Variants in SLC25A21 observed in about 807,000 individuals in gnomAD.
The protein encoded by SLC25A21 is solute carrier family 25 member 21, also known as mitochondrial 2-oxodicarboxylate carrier.
A neutral mutation model predicts 43.8 loss-of-function variants in SLC25A21; 47 were observed. The observed-to-expected ratio is 1.07, with a 90% CI of 0.85 to 1.37. SLC25A21 has a LOEUF of 1.37. Among genes scored for constraint, SLC25A21 ranks in the 40% most tolerant of loss-of-function variants. SLC25A21 has a pLI of 0.00. For synonymous variants in SLC25A21, 131 were observed against 121.3 expected (o/e 1.08, Z -0.52); for missense variants, 352 against 350.2 (o/e 1.00, Z -0.04).
chr14:36,725,168 T>C (rs959250771), intron 6 of SLC25A21: 2 of 152,630 alleles, frequency 1.3e-5, no homozygotes, highest in Non-Finnish European at 2.9e-5. Flanking sequence ...TTGTTTCACA[T>C]GCACATTAAA....
chr14:36,806,226 T>C (rs933126678), intron 3 of SLC25A21, among the ~76,000 whole-genome samples: 2 of 152,040 alleles, frequency 1.3e-5, no homozygotes, highest in African/African-American at 2.4e-5. Context: ...ATTTTTACTT[T>C]TATTTTATTT....
rs138178752 is a variant in SLC25A21 at position 37,109,816 on chromosome 14, A to G, written c.70+62465T>C. Among the ~76,000 whole-genome samples the G allele has an allele frequency of 3.1e-3, 468 of 152,260 alleles. 1 individual carries two copies. The highest frequency in any genetic ancestry group is 0.01 in the African/African-American group (435 of 41,552). ...TACATTGCAAAACTGCCATACATTG[A>G]CCAATTCTTTTCTATAGATAACCTG... is the stretch of plus-strand genomic sequence containing the variant. On this transcript the variant is annotated intron_variant, in intron 1 of 9. Transcript: ENST00000331299.
chr14:36,963,184 TC>T (rs1267548998), intron 1 of SLC25A21, among the ~76,000 whole-genome samples: 1 of 151,984 alleles, frequency 6.6e-6, no homozygotes, highest in Non-Finnish European at 1.5e-5. Context: ...TTAGTACATA[TC>T]CCCCCATAGT....
Position 36,679,810 on chromosome 14 carries a change from TC to T in SLC25A21, c.*847del, listed in dbSNP as rs1882120537. The T allele has an allele frequency of 1.0e-6, 1 of 985,078 alleles. No individual in the cohort carries two copies. The allele number at this position is 985,078 out of a possible 1,614,324, so 61.0% of individuals were successfully genotyped here. On this transcript the variant is annotated 3_prime_UTR_variant, in exon 10 of 10. Transcript: ENST00000331299. ...GCTGACAAATGGGTCCAAAGGTGTT[TC>T]CAATTTGTGATTTAACATGACAATA...
chr14:37,073,204 A>G (rs950475176), intron 1 of SLC25A21, among the ~76,000 whole-genome samples: 36 of 152,334 alleles, frequency 2.4e-4, no homozygotes, highest in Non-Finnish European at 2.9e-4. Flanking sequence ...TTCAATGGTG[A>G]GTAGCTGAGA....
chr14:36,842,259 C>T (rs1166727560), intron 2 of SLC25A21, among the ~76,000 whole-genome samples: 1 of 152,170 alleles, frequency 6.6e-6, no homozygotes, highest in African/African-American at 2.4e-5. Context: ...TTACCTGGGG[C>T]AATGATATGC....
intron 7 of SLC25A21, among the ~76,000 whole-genome samples, chr14:36,707,478 C>T (rs1424561263): frequency 6.6e-6 from 1 of 152,046 alleles, no homozygotes; most frequent in African/African-American, 2.4e-5. Context: ...TCCTCCCAGC[C>T]CCCAACCTAA....
chr14:37,105,635 C>T (rs150364181), intron 1 of SLC25A21, among the ~76,000 whole-genome samples: 2 of 152,062 alleles, frequency 1.3e-5, no homozygotes. Context: ...AAGGTGAAAG[C>T]AGATATCCTG....
intron 1 of SLC25A21, among the ~76,000 whole-genome samples, chr14:37,101,906 T>C (rs1962823749): frequency 6.6e-6 from 1 of 152,192 alleles, no homozygotes; most frequent in Non-Finnish European, 1.5e-5. Context: ...TTTATTGACT[T>C]TGTTAAATGC....
chr14:36,914,761 G>GT (rs1214305083), intron 1 of SLC25A21, among the ~76,000 whole-genome samples: 1 of 152,114 alleles, frequency 6.6e-6, no homozygotes, highest in Non-Finnish European at 1.5e-5. Flanking sequence ...AGGCATGGAA[G>GT]TATTTGTTAG....
chr14:37,054,003 G>T (rs1385643460), intron 1 of SLC25A21, among the ~76,000 whole-genome samples: 4 of 152,196 alleles, frequency 2.6e-5, no homozygotes, highest in Non-Finnish European at 4.4e-5. Flanking sequence ...CCATTGAGAG[G>T]TAAAATGTAT....
At chr14:37,050,407 T>C (rs1281918420) in intron 1 of SLC25A21, among the ~76,000 whole-genome samples, 1 of 152,146 alleles carries the variant, frequency 6.6e-6, no homozygotes, top group East Asian at 1.9e-4. Context: ...ATAAATAACA[T>C]AATTATCTGG....
intron 1 of SLC25A21, among the ~76,000 whole-genome samples, chr14:36,892,696 C>G (rs1005737375): frequency 6.6e-6 from 1 of 152,072 alleles, no homozygotes; most frequent in Non-Finnish European, 1.5e-5. Flanking sequence ...TATCCCTCCC[C>G]ACTCCCCCAA....
chr14:37,079,257 G>A (rs983597999), intron 1 of SLC25A21, among the ~76,000 whole-genome samples: 1 of 152,090 alleles, frequency 6.6e-6, no homozygotes, highest in East Asian at 1.9e-4. Flanking sequence ...GCCTAGTGAA[G>A]AACAGCCTAC....
At chr14:36,793,910 T>C (rs1433414577) in intron 3 of SLC25A21, among the ~76,000 whole-genome samples, 1 of 138,098 alleles carries the variant, frequency 7.2e-6, no homozygotes, top group Non-Finnish European at 1.5e-5. Context: ...ATGTTCATTT[T>C]GCAGATCAGG....
chr14:36,894,747 G>T (rs1395667473), intron 1 of SLC25A21, among the ~76,000 whole-genome samples: 1 of 152,188 alleles, frequency 6.6e-6, no homozygotes, highest in Non-Finnish European at 1.5e-5. Context: ...TTTTTAGCAA[G>T]AAGCATTGTT....
At position 36,890,244 on chromosome 14, in the gene SLC25A21, G is replaced by A. The variant is rs10137888; in HGVS notation, c.71-15240C>T. 7.5e-3 allele frequency among the ~76,000 whole-genome samples: 1,136 copies of A among 152,258 alleles called. 19 individuals are homozygous for A. Among genetic ancestry groups the A allele is most frequent in the African/African-American group, 0.025 (1,051 of 41,548 alleles). On this transcript the variant is annotated intron_variant, in intron 1 of 9. Coordinates refer to ENST00000331299, the MANE Select transcript of SLC25A21 (RefSeq NM_030631.4). ...ACTGAGAATCCATTTGAGGCCAATC[G>A]TCATGCATGTAAAGTGTCATTTTTG...
At chr14:36,976,281 C>T (rs766909124) in intron 1 of SLC25A21, among the ~76,000 whole-genome samples, 4 of 152,056 alleles carry the variant, frequency 2.6e-5, no homozygotes, top group Non-Finnish European at 5.9e-5. Context: ...CATGCATACA[C>T]GTTATAGGAG....
intron 1 of SLC25A21, among the ~76,000 whole-genome samples, chr14:36,895,607 C>T (rs1200764532): frequency 1.3e-5 from 2 of 152,036 alleles, no homozygotes; most frequent in African/African-American, 2.4e-5. Flanking sequence ...GCTCTTGCTT[C>T]TCTAGTTCTC....
Sources: allele counts gnomAD v4.1 joint callset (sites outside exome capture counted in the v4.1 genomes callset), GRCh38; gene constraint gnomAD v4.1.1; transcripts MANE v1.5; gene names NCBI Gene and HGNC (gene_info 2026-07-23, HGNC 2026-07-21).